GEMIN4: variants seen among roughly 807,000 people sequenced by gnomAD.
The protein encoded by GEMIN4 is gem nuclear organelle associated protein 4.
A neutral mutation model predicts 76.8 loss-of-function variants in GEMIN4; 59 were observed. That is an observed-to-expected ratio of 0.77 (90% CI 0.62 to 0.95). The LOEUF (loss-of-function observed/expected upper bound fraction) is 0.95. GEMIN4 is among the 40% of genes least tolerant of loss of function. GEMIN4 has a pLI of 0.00. For synonymous variants in GEMIN4, 562 were observed against 559.7 expected (o/e 1.00, Z -0.06); for missense variants, 1,311 against 1,318.9 (o/e 0.99, Z 0.09).
At chr17:753,702 G>A (rs1904871143), upstream of GEMIN4, 1 of 152,402 alleles carries the variant, frequency 6.6e-6, no homozygotes. Flanking sequence ...GTTTTGGGTG[G>A]AGTTCCCAGC....
Position 752,169 on chromosome 17 carries a change from G to A in GEMIN4, c.-27C>T, listed in dbSNP as rs758560545. 1 of 1,234,374 alleles carries A rather than the reference G, an allele frequency of 8.1e-7. No homozygotes were observed. 76.5% of individuals were successfully genotyped at this position (1,234,374 alleles called of 1,614,324 possible). ...GCGGCGACGCCGGCGGCTGCGCGGG[G>A]CTAACGCCCCCTCCCCTCCGAGAAC... On this transcript the variant is annotated 5_prime_UTR_variant, in exon 1 of 2. Transcript: ENST00000319004.
Position 752,259 on chromosome 17 carries a change from C to T in GEMIN4, c.-117G>A, listed in dbSNP as rs530249532. 9.0e-6 allele frequency: 11 copies of T among 1,227,322 alleles called. No homozygotes were observed. The African/African-American group carries it at 1.6e-4, about 17-fold the overall frequency. The allele number at this position is 1,227,322 out of a possible 1,614,324, so 76.0% of individuals were successfully genotyped here. On this transcript the variant is annotated 5_prime_UTR_variant, in exon 1 of 2. Coordinates refer to ENST00000319004, the MANE Select transcript of GEMIN4 (RefSeq NM_015721.3). ...AGGAGCCACGGCGGCCGCGCTTAGG[C>T]CTGCTCACAACCTCCGCCCGGCCCC...
rs1372134270 is a variant in GEMIN4, at chr17:747,262, A to G, written c.781T>C (p.Ser261Pro). The G allele has an allele frequency of 2.5e-6, 4 of 1,613,674 alleles. No homozygotes were observed. The highest frequency in any genetic ancestry group is 3.4e-6 in the Non-Finnish European group (4 of 1,179,828). Reference protein sequence around the residue: ...ALTEDDPQEVSATVYLDKLAT... With the variant: ...ALTEDDPQEVPATVYLDKLAT... ...AGTTTGTCCAGATACACGGTTGCAG[A>G]CACCTCCTGGGGGTCGTCCTCTGTC... The change falls in exon 2 of 2, where the codon TCT becomes CCT. Residue 261 changes from serine to proline, a missense_variant. By Grantham distance (74) the Ser-to-Pro change is moderately conservative. Transcript: ENST00000319004.
chr17:747,796 C>T lies in GEMIN4; in HGVS notation c.247G>A (p.Val83Met), dbSNP rs778610719. ...IWAKVLQPHP[V>M]TPSDTETRWQ... ...CGTGTCTCTGTGTCGGACGGGGTCA[C>T]GGGGTGCGGCTGCAGAACCTTGGCC... The change falls in exon 2 of 2, where the codon GTG becomes ATG. Residue 83 changes from valine (V) to methionine (M), a missense_variant. Coordinates refer to ENST00000319004, the MANE Select transcript of GEMIN4 (RefSeq NM_015721.3). 33 of 1,612,816 alleles carry T rather than the reference C, an allele frequency of 2.0e-5. No individual in the cohort carries two copies. Among genetic ancestry groups the T allele is most frequent in the Middle Eastern group, 1.6e-4 (1 of 6,082 alleles).
Position 747,585 on chromosome 17 carries a change from G to A in GEMIN4, c.458C>T (p.Ser153Phe). 1.9e-6 allele frequency: 3 copies of A among 1,614,010 alleles called. No individual in the cohort carries two copies. The highest frequency in any genetic ancestry group is 2.5e-6 in the Non-Finnish European group (3 of 1,179,892). The change falls in exon 2 of 2, where the codon TCT becomes TTT. Residue 153 changes from serine (S) to phenylalanine (F), a missense_variant. By Grantham distance (155) the Ser-to-Phe change is radical. Around this residue, in one of 2 missense-constraint regions of GEMIN4, gnomAD observed 1,208 missense variants for 1,166.9 expected, o/e 1.04. Coordinates refer to ENST00000319004, the MANE Select transcript of GEMIN4 (RefSeq NM_015721.3). ...CAGGAAGAAGGCCACGTCTTCGGCA[G>A]AAGTGTCAACGGTCACATGTTCCAG... ...RFLEHVTVDT[S>F]AEDVAFFLDV...
In GEMIN4 at chr17:745,971, G is replaced by C. The variant is rs1293301819; in HGVS notation, c.2072C>G (p.Thr691Ser). ...GAAGAGGAGTGGAAACGGGGAGCAGGTCTGGAGCCAGTATTCCTCTCGGCA... is the reference window on the plus strand; with the variant it reads ...GAAGAGGAGTGGAAACGGGGAGCAGCTCTGGAGCCAGTATTCCTCTCGGCA... ...NACREEYWLQTCSPFPLLFSL... is the reference protein window; with the variant it reads ...NACREEYWLQSCSPFPLLFSL... The change falls in exon 2 of 2, where the codon ACC (threonine) becomes AGC (serine). Residue 691 changes from threonine (T) to serine (S), a missense_variant. Thr to Ser is a moderately conservative substitution (Grantham distance 58). Around this residue, in one of 2 missense-constraint regions of GEMIN4, gnomAD observed 1,208 missense variants for 1,166.9 expected, o/e 1.04. Transcript: ENST00000319004. This position sits in a 1 kb window ranked among gnomAD's most constrained non-coding sequence, Gnocchi z 4.6. 1.6e-5 allele frequency: 26 copies of C among 1,613,166 alleles called. No homozygotes were observed. The highest frequency in any genetic ancestry group is 2.2e-5 in the Non-Finnish European group (26 of 1,179,878).
chr17:745,577 G>C lies in GEMIN4; in HGVS notation c.2466C>G (p.Cys822Trp). 1 of 1,611,860 alleles carries C rather than the reference G, an allele frequency of 6.2e-7. No homozygotes were observed. Among genetic ancestry groups the C allele is most frequent in the Non-Finnish European group, 8.5e-7 (1 of 1,179,488 alleles). Reference sequence around the variant, plus strand: ...TCTCCGAGATGCCGCTGGAGACGCAGCAGCACTCCATCCAGGCCAGGAGCC... The same window carrying C: ...TCTCCGAGATGCCGCTGGAGACGCACCAGCACTCCATCCAGGCCAGGAGCC... The part of the protein sequence containing the change: ...GTGLLAWMEC[C>W]CVSSGISERM... Residue 822 changes from cysteine to tryptophan, a missense_variant, in exon 2 of 2, where the codon TGC becomes TGG. Transcript: ENST00000319004. This position sits in a 1 kb window ranked among gnomAD's most constrained non-coding sequence, Gnocchi z 4.6.
At chr17:752,731 T>G, upstream of GEMIN4, 1 of 557,886 alleles carries the variant, frequency 1.8e-6, no homozygotes, top group South Asian at 7.5e-5. Context: ...AGCCCAAACA[T>G]GGTGGGGTTT....
At chr17:752,669 G>T, upstream of GEMIN4, 2 of 1,005,928 alleles carry the variant, frequency 2.0e-6, no homozygotes, top group Non-Finnish European at 2.4e-6. Context: ...GCAGCGTTCC[G>T]GATCCTAGAC....
At position 747,246 on chromosome 17, in the gene GEMIN4, A is replaced by C. The variant is rs1180061103; in HGVS notation, c.797T>G (p.Leu266Arg). The change falls in exon 2 of 2, where the codon CTG becomes CGG. Residue 266 changes from leucine to arginine, a missense_variant. By Grantham distance (102) the Leu-to-Arg change is moderately radical. Transcript: ENST00000319004. ...AGAGATCACCGTGGCCAGTTTGTCC[A>C]GATACACGGTTGCAGACACCTCCTG... ...DPQEVSATVY[L>R]DKLATVISVW... 6.2e-7 allele frequency: 1 copy of C among 1,613,844 alleles called. No homozygotes were observed. The highest frequency in any genetic ancestry group is 8.5e-7 in the Non-Finnish European group (1 of 1,179,880).
chr17:746,581 C>G lies in GEMIN4; in HGVS notation c.1462G>C (p.Ala488Pro). Residue 488 changes from alanine (A) to proline (P), a missense_variant, in exon 2 of 2, where the codon GCA (alanine) becomes CCA (proline). Coordinates refer to ENST00000319004, the MANE Select transcript of GEMIN4 (RefSeq NM_015721.3). The surrounding 1 kb of genome is among the most constrained non-coding windows in gnomAD (Gnocchi z 4.3). ...TTTTTACCTGGCAGGGAGAGGTCTG[C>G]GTAACATTCCAGGATCAGGTGGATC... is the stretch of plus-strand genomic sequence containing the variant. ...QVIHLILECY[A>P]DLSLPGKNKV... The G allele has an allele frequency of 6.2e-7, 1 of 1,613,628 alleles. No individual in the cohort carries two copies. Among genetic ancestry groups the G allele is most frequent in the Non-Finnish European group, 8.5e-7 (1 of 1,179,886 alleles).
intron 1 of GEMIN4, among the ~76,000 whole-genome samples, chr17:750,436 T>C (rs1368488625): frequency 6.6e-6 from 1 of 152,224 alleles, no homozygotes; most frequent in Admixed American, 6.5e-5. Flanking sequence ...AGGTGCTCAG[T>C]AAATGTTGGT....
In GEMIN4 at chr17:744,859, C is replaced by T. The variant is rs761225877; in HGVS notation, c.*7G>A. On this transcript the variant is annotated 3_prime_UTR_variant, in exon 2 of 2. Coordinates refer to ENST00000319004, the MANE Select transcript of GEMIN4 (RefSeq NM_015721.3). Reference sequence around the variant, plus strand: ...CGCCATGTTGGGGCCCAGCTCCCCACGCCAAGTCAGAAGCTGCTCATCTTC... The same window carrying T: ...CGCCATGTTGGGGCCCAGCTCCCCATGCCAAGTCAGAAGCTGCTCATCTTC... 3.7e-5 allele frequency: 60 copies of T among 1,602,884 alleles called. 1 individual carries two copies. In the South Asian group the frequency reaches 4.3e-4, roughly 12 times the overall value.
rs1464358971 is a variant in GEMIN4 at position 744,874 on chromosome 17, T to C, written c.3169A>G (p.Ser1057Gly). The C allele has an allele frequency of 6.2e-7, 1 of 1,609,260 alleles. No individual in the cohort carries two copies. Among genetic ancestry groups the C allele is most frequent in the East Asian group, 2.2e-5 (1 of 44,818 alleles). Residue 1057 changes from serine (S) to glycine (G), a missense_variant, in exon 2 of 2, where the codon AGC becomes GGC. Ser to Gly is a moderately conservative substitution (Grantham distance 56). This residue lies in a region of GEMIN4 where 1,208 missense variants were observed against 1,166.9 expected (regional missense o/e 1.04). Transcript: ENST00000319004. ...RRQTLLQKMS[S>G]F ...CAGCTCCCCACGCCAAGTCAGAAGC[T>C]GCTCATCTTCTGCAACAGGGTTTGG...
chr17:745,272 C>T lies in GEMIN4; in HGVS notation c.2771G>A (p.Ser924Asn). Reference protein sequence around the residue: ...LFLRTFQFLCSHSCRDWLPLE... With the variant: ...LFLRTFQFLCNHSCRDWLPLE... ...AGGAAGCCAATCACGACAGCTATGG[C>T]TGCAGAGAAACTGGAAAGTCCTCAG... Residue 924 changes from serine to asparagine, a missense_variant, in exon 2 of 2, where the codon AGC becomes AAC. By Grantham distance (46) the Ser-to-Asn change is conservative. This residue lies in a region of GEMIN4 where 1,208 missense variants were observed against 1,166.9 expected (regional missense o/e 1.04). Coordinates refer to ENST00000319004, the MANE Select transcript of GEMIN4 (RefSeq NM_015721.3). This position sits in a 1 kb window ranked among gnomAD's most constrained non-coding sequence, Gnocchi z 4.6. The T allele has an allele frequency of 6.2e-7, 1 of 1,611,624 alleles. No homozygotes were observed. The highest frequency in any genetic ancestry group is 8.5e-7 in the Non-Finnish European group (1 of 1,179,358).
At position 745,817 on chromosome 17, in the gene GEMIN4, G is replaced by C. The variant is rs1331090922; in HGVS notation, c.2226C>G (p.Ala742=). 6.2e-7 allele frequency: 1 copy of C among 1,613,094 alleles called. No homozygotes were observed. The highest frequency in any genetic ancestry group is 8.5e-7 in the Non-Finnish European group (1 of 1,179,776). The change falls in exon 2 of 2, where the codon GCC becomes GCG. Residue 742 remains alanine, a synonymous_variant. Coordinates refer to ENST00000319004, the MANE Select transcript of GEMIN4 (RefSeq NM_015721.3). This position sits in a 1 kb window ranked among gnomAD's most constrained non-coding sequence, Gnocchi z 4.6. ...ILELLCEIVS[A]NAETFSPDVW... Reference sequence around the variant, plus strand: ...CATCCGGGGAGAAGGTCTCAGCATTGGCTGATACAATCTCACACAGGAGCT... The same window carrying C: ...CATCCGGGGAGAAGGTCTCAGCATTCGCTGATACAATCTCACACAGGAGCT...
chr17:745,261 G>A lies in GEMIN4; in HGVS notation c.2782C>T (p.Arg928Cys), dbSNP rs568776149. 8.8e-5 allele frequency: 142 copies of A among 1,611,082 alleles called. 2 individuals carry two copies. The South Asian group carries it at 1.4e-3, about 16-fold the overall frequency. ...CAGCCTTCCAGAGGAAGCCAATCAC[G>A]ACAGCTATGGCTGCAGAGAAACTGG... is the stretch of plus-strand genomic sequence containing the variant. ...TFQFLCSHSC[R>C]DWLPLEGWNH... The change falls in exon 2 of 2, where the codon CGT becomes TGT. Residue 928 changes from arginine to cysteine, a missense_variant. Around this residue, in one of 2 missense-constraint regions of GEMIN4, gnomAD observed 1,208 missense variants for 1,166.9 expected, o/e 1.04. Coordinates refer to ENST00000319004, the MANE Select transcript of GEMIN4 (RefSeq NM_015721.3). The surrounding 1 kb of genome is among the most constrained non-coding windows in gnomAD (Gnocchi z 4.6).
rs916642992 is a variant in GEMIN4 at position 746,173 on chromosome 17, A to G, written c.1870T>C (p.Phe624Leu). The G allele has an allele frequency of 5.6e-6, 9 of 1,613,842 alleles. No individual in the cohort carries two copies. Among genetic ancestry groups the G allele is most frequent in the Non-Finnish European group, 6.8e-6 (8 of 1,179,878 alleles). ...ATCAGGCAGTTCAGGAGCTCTAAAA[A>G]TTGCTTTTCTTCCTTGGGTGTAGAG... ...KFSTPKEEKQ[F>L]LELLNCLMSP... The change falls in exon 2 of 2, where the codon TTT becomes CTT. Residue 624 changes from phenylalanine to leucine, a missense_variant. This residue lies in a region of GEMIN4 where 1,208 missense variants were observed against 1,166.9 expected (regional missense o/e 1.04). Coordinates refer to ENST00000319004, the MANE Select transcript of GEMIN4 (RefSeq NM_015721.3). The surrounding 1 kb of genome is among the most constrained non-coding windows in gnomAD (Gnocchi z 4.3).
rs1228022715 is a variant in GEMIN4, at chr17:747,175, C to T, written c.868G>A (p.Ala290Thr). ...TQNPYHQQALAEKVKEAERDV... is the reference protein window; with the variant it reads ...TQNPYHQQALTEKVKEAERDV... Reference sequence around the variant, plus strand: ...CGTTCTGCCTCCTTCACCTTCTCTGCCAGCGCCTGCTGGTGGTAGGGATTC... The same window carrying T: ...CGTTCTGCCTCCTTCACCTTCTCTGTCAGCGCCTGCTGGTGGTAGGGATTC... The change falls in exon 2 of 2, where the codon GCA becomes ACA. Residue 290 changes from alanine to threonine, a missense_variant. Transcript: ENST00000319004. 51 of 1,613,722 alleles carry T rather than the reference C, an allele frequency of 3.2e-5. No homozygotes were observed. The highest frequency in any genetic ancestry group is 6.7e-5 in the Admixed American group (4 of 60,004).
Sources: gnomAD v4.1 joint callset for allele counts (sites outside exome capture counted in the v4.1 genomes callset) on GRCh38, gnomAD v4.1.1 for gene constraint, gnomAD v4.1.1 regional missense constraint, Gnocchi (gnomAD v3.1) non-coding constraint, MANE v1.5 for transcripts, NCBI Gene and HGNC (gene_info 2026-07-23, HGNC 2026-07-21) for gene names.